GAS7: variants seen among roughly 807,000 people sequenced by gnomAD.
The protein encoded by GAS7 is growth arrest specific 7.
Under a neutral mutation model 71.1 loss-of-function variants are expected in GAS7, and 28 were observed. The observed-to-expected ratio is 0.39, with a 90% CI of 0.29 to 0.54. The LOEUF (loss-of-function observed/expected upper bound fraction) is 0.54. Ranked by LOEUF, GAS7 falls within the 20% of genes least tolerant of loss-of-function variation. The pLI is 0.62. For synonymous variants in GAS7, 258 were observed against 245.8 expected, an observed-to-expected ratio of 1.05 and a Z score of -0.46; for missense variants, 436 against 627.8, an observed-to-expected ratio of 0.69 and a Z score of 3.27.
chr17:10,103,476 C>T lies in GAS7; in HGVS notation c.184-83579G>A, dbSNP rs1391312485. Among the ~76,000 whole-genome samples the T allele has an allele frequency of 6.6e-6, 1 of 152,096 alleles. No homozygotes were observed. The highest frequency in any genetic ancestry group is 1.5e-5 in the Non-Finnish European group (1 of 68,018). ...GACTGTTTTCCATTTTCCAAAACAA[C>T]GATTTCATTTCTCAGATGATGGGAA... On this transcript the variant is annotated intron_variant, in intron 1 of 13. Transcript: ENST00000432992. This position sits in a 1 kb window ranked among gnomAD's most constrained non-coding sequence, Gnocchi z 5.5.
intron 2 of GAS7, among the ~76,000 whole-genome samples, chr17:9,999,881 T>C (rs920754924): frequency 6.7e-6 from 1 of 149,020 alleles, no homozygotes; most frequent in Non-Finnish European, 1.5e-5. Flanking sequence ...GAAATAAGAT[T>C]CCTTGGGAAA....
chr17:10,055,136 G>A (rs1233520846), intron 1 of GAS7, among the ~76,000 whole-genome samples: 2 of 152,148 alleles, frequency 1.3e-5, no homozygotes, highest in Non-Finnish European at 2.9e-5. Context: ...AGTGGCCTGG[G>A]GTAGGATAGT....
At chr17:10,163,390 T>C (rs2074270703) in intron 1 of GAS7, among the ~76,000 whole-genome samples, 1 of 150,130 alleles carries the variant, frequency 6.7e-6, no homozygotes, top group Admixed American at 6.6e-5. Flanking sequence ...CCTCCCAAAG[T>C]GTTGGGATTA....
intron 2 of GAS7, among the ~76,000 whole-genome samples, chr17:9,984,456 G>A (rs895448536): frequency 6.6e-6 from 1 of 152,084 alleles, no homozygotes; most frequent in Non-Finnish European, 1.5e-5. Flanking sequence ...AAGCAGAGAC[G>A]GTGTGAACAT....
chr17:10,025,678 C>T (rs1045342554), intron 1 of GAS7, among the ~76,000 whole-genome samples: 7 of 151,756 alleles, frequency 4.6e-5, no homozygotes, highest in South Asian at 2.1e-4. Flanking sequence ...GTATGGTCAC[C>T]GTGGGCCACC....
intron 7 of GAS7, among the ~76,000 whole-genome samples, chr17:9,941,726 C>T (rs992206900): frequency 1.3e-5 from 2 of 152,192 alleles, no homozygotes; most frequent in Non-Finnish European, 1.5e-5. Context: ...TCCTATTTGC[C>T]TATTTTATAC....
chr17:9,985,746 G>T (rs2070621095), intron 2 of GAS7, among the ~76,000 whole-genome samples: 2 of 152,208 alleles, frequency 1.3e-5, no homozygotes, highest in Admixed American at 6.5e-5. Flanking sequence ...AATGACTGGG[G>T]TGAGAGGGGA....
intron 1 of GAS7, among the ~76,000 whole-genome samples, chr17:10,128,696 T>G (rs190221555): frequency 1.3e-5 from 2 of 151,702 alleles, no homozygotes; most frequent in Non-Finnish European, 2.9e-5. Context: ...CTCGGCTCAC[T>G]GCAAGCTCCG....
intron 2 of GAS7, among the ~76,000 whole-genome samples, chr17:9,993,312 T>C (rs1035071024): frequency 7.9e-5 from 12 of 152,206 alleles, no homozygotes; most frequent in African/African-American, 2.7e-4. Flanking sequence ...TGGTGTGAGA[T>C]GGTATCTCAT....
chr17:10,011,264 G>T (rs1206764468), intron 2 of GAS7, among the ~76,000 whole-genome samples: 1 of 152,122 alleles, frequency 6.6e-6, no homozygotes, highest in Non-Finnish European at 1.5e-5. Flanking sequence ...CCACTGCCTT[G>T]GGCTTGGATG....
At chr17:10,042,779 C>T (rs900738870) in intron 1 of GAS7, among the ~76,000 whole-genome samples, 6 of 152,140 alleles carry the variant, frequency 3.9e-5, no homozygotes, top group Non-Finnish European at 7.3e-5. Context: ...AAGGGCTTGA[C>T]TGGAGCCCGA....
intron 1 of GAS7, among the ~76,000 whole-genome samples, chr17:10,131,241 C>T (rs2073994680): frequency 6.6e-6 from 1 of 152,206 alleles, no homozygotes; most frequent in Admixed American, 6.5e-5. Flanking sequence ...GTTTTACTTT[C>T]CCACCTAAAC....
chr17:10,027,225 T>C (rs1361125184), intron 1 of GAS7: 3 of 129,154 alleles, frequency 2.3e-5, no homozygotes, highest in Non-Finnish European at 4.5e-5. Flanking sequence ...CCCAGAACAA[T>C]GAATGAATGA....
At chr17:10,189,838 C>G (rs938422034) in intron 1 of GAS7, among the ~76,000 whole-genome samples, 1 of 151,818 alleles carries the variant, frequency 6.6e-6, no homozygotes, top group African/African-American at 2.4e-5. Context: ...ACTTGGGAAG[C>G]TGAGGCATGA....
chr17:10,163,149 C>T (rs1167536873), intron 1 of GAS7, among the ~76,000 whole-genome samples: 1 of 152,188 alleles, frequency 6.6e-6, no homozygotes, highest in Non-Finnish European at 1.5e-5. Context: ...CTTACTCTGT[C>T]ACCCAGGCTG....
intron 1 of GAS7, among the ~76,000 whole-genome samples, chr17:10,056,589 G>A (rs887269924): frequency 1.3e-5 from 2 of 151,908 alleles, no homozygotes; most frequent in East Asian, 1.9e-4. Flanking sequence ...TCCGTCAAAT[G>A]GGCCGGGCGC....
At chr17:10,159,065 C>CAT (rs745794234) in intron 1 of GAS7, among the ~76,000 whole-genome samples, 880 of 59,942 alleles carry the variant, frequency 0.015, 44 homozygotes, top group Middle Eastern at 0.073. Flanking sequence ...GTCTCTAAAA[C>CAT]ATATATATAT....
intron 1 of GAS7, among the ~76,000 whole-genome samples, chr17:10,123,024 G>A (rs1236646074): frequency 6.6e-6 from 1 of 152,052 alleles, no homozygotes; most frequent in Admixed American, 6.6e-5. Context: ...AGGTGACGGG[G>A]TCTCACCATG....
At chr17:9,999,744 G>A (rs910161149) in intron 2 of GAS7, among the ~76,000 whole-genome samples, 2 of 152,140 alleles carry the variant, frequency 1.3e-5, no homozygotes, top group Non-Finnish European at 2.9e-5. Context: ...AACCAGCACT[G>A]TAAAACATGT....
Sources: gnomAD v4.1 joint callset for allele counts (sites outside exome capture counted in the v4.1 genomes callset) on GRCh38, gnomAD v4.1.1 for gene constraint, Gnocchi (gnomAD v3.1) non-coding constraint, MANE v1.5 for transcripts, NCBI Gene and HGNC (gene_info 2026-07-23, HGNC 2026-07-21) for gene names.